TNRC18: variants seen among roughly 807,000 people sequenced by gnomAD.
TNRC18 encodes trinucleotide repeat-containing gene 18 protein.
A neutral mutation model predicts 226.7 loss-of-function variants in TNRC18; 69 were observed. The observed-to-expected ratio is 0.30, with a 90% confidence interval of 0.25 to 0.37. The LOEUF (loss-of-function observed/expected upper bound fraction) is 0.37. Among genes scored for constraint, TNRC18 ranks in the 10% least tolerant of loss-of-function variants. The probability of loss-of-function intolerance (pLI) is 1.00; values close to 1 mark genes in which losing one functional copy is unlikely to be tolerated. For missense variants in TNRC18, 4,754 were observed against 4,256.6 expected (o/e 1.12, Z -3.25); for synonymous variants, 2,449 against 1,927.6 (o/e 1.27, Z -7.09).
rs749669243 is a variant in TNRC18 at position 5,357,296 on chromosome 7, C to A, written c.4834-20G>T. ...CTTTAGCTGGAGAGGGAAGGTGGGTCATGGGTTAAAAGATCTGACAAAACA... is the reference window on the plus strand; with the variant it reads ...CTTTAGCTGGAGAGGGAAGGTGGGTAATGGGTTAAAAGATCTGACAAAACA... On this transcript the variant is annotated intron_variant, in intron 15 of 29. Transcript: ENST00000430969. 1.3e-6 allele frequency: 2 copies of A among 1,597,634 alleles called. No individual in the cohort carries two copies. The highest frequency in any genetic ancestry group is 1.7e-6 in the Non-Finnish European group (2 of 1,171,212).
rs748787261 is a variant in TNRC18 at position 5,312,760 on chromosome 7, G to A, written c.8131C>T (p.Arg2711Trp). ...TTGCCTGGGGAGTGGGCCGAGGGCC[G>A]CGCCTTGCCGGCCTGCTTGGTGGCC... is the stretch of plus-strand genomic sequence containing the variant. ...TKATKQAGKARPSAHSPGKKT... is the reference protein window; with the variant it reads ...TKATKQAGKAWPSAHSPGKKT... The change falls in exon 27 of 30, where the codon CGG becomes TGG. Residue 2711 changes from arginine (R) to tryptophan (W), a missense_variant. Physicochemically the swap from Arg to Trp is moderately radical, Grantham distance 101 (BLOSUM62 -3). Coordinates refer to ENST00000430969, the MANE Select transcript of TNRC18 (RefSeq NM_001080495.3). The surrounding 1 kb of genome is among the most constrained non-coding windows in gnomAD (Gnocchi z 6.3). The A allele has an allele frequency of 2.7e-5, 42 of 1,534,116 alleles. No homozygotes were observed. The highest frequency in any genetic ancestry group is 3.6e-5 in the Non-Finnish European group (41 of 1,145,742).
rs561206762 is a variant in TNRC18, at chr7:5,363,206, G to A, written c.4220-381C>T. 4.0e-4 allele frequency among the ~76,000 whole-genome samples: 60 copies of A among 150,768 alleles called. 1 individual carries two copies. Among genetic ancestry groups the A allele is most frequent in the Middle Eastern group, 3.4e-3 (1 of 290 alleles). On this transcript the variant is annotated intron_variant, in intron 11 of 29. Transcript: ENST00000430969. ...GAATCCCAGCTACTCGGGAGACTAA[G>A]GCGGGAGAACCACTTGAACCCGGGA...
At chr7:5,404,126 A>G (rs1214584635) in intron 2 of TNRC18, among the ~76,000 whole-genome samples, 1 of 152,188 alleles carries the variant, frequency 6.6e-6, no homozygotes, top group Non-Finnish European at 1.5e-5. Flanking sequence ...TAATCCCAGC[A>G]CTTTGGGAGG....
intron 2 of TNRC18, among the ~76,000 whole-genome samples, chr7:5,402,178 CAAAAA>C (rs35794476): frequency 1.4e-5 from 1 of 71,336 alleles, no homozygotes; most frequent in East Asian, 4.6e-4. Flanking sequence ...GACTCTGTCT[CAAAAA>C]AAAAAAAAAA....
At chr7:5,381,211 C>A (rs919059193) in intron 5 of TNRC18, among the ~76,000 whole-genome samples, 2 of 152,224 alleles carry the variant, frequency 1.3e-5, no homozygotes, top group African/African-American at 2.4e-5. Context: ...AGATAGTGAG[C>A]CCTCTGTCCC....
At chr7:5,314,326 C>A (rs1485137088) in intron 26 of TNRC18, among the ~76,000 whole-genome samples, 1 of 152,140 alleles carries the variant, frequency 6.6e-6, no homozygotes, top group African/African-American at 2.4e-5. Context: ...CTGGCTGCAG[C>A]CTTCTTAGGC....
chr7:5,315,262 G>A, intron 25 of TNRC18, 114 bp from the exon 26 acceptor site: 1 of 1,184,744 alleles, frequency 8.4e-7, no homozygotes, highest in Non-Finnish European at 1.1e-6. Flanking sequence ...CCGACACCAG[G>A]TGGCTGACCC....
chr7:5,391,852 A>T lies in TNRC18; in HGVS notation c.344-1224T>A, dbSNP rs143736535. 3.1e-3 allele frequency among the ~76,000 whole-genome samples: 291 copies of T among 92,504 alleles called. 1 individual carries two copies. The highest frequency in any genetic ancestry group is 0.019 in the African/African-American group (281 of 15,018). The allele number at this position is 92,504 out of a possible 152,430, so 60.7% of individuals were successfully genotyped here. ...TCTCTATTTAAAAAAAAAAAAAAAA[A>T]ATTTAAATAGTTTTTTTTTTTTAAA... On this transcript the variant is annotated intron_variant, in intron 3 of 29. Coordinates refer to ENST00000430969, the MANE Select transcript of TNRC18 (RefSeq NM_001080495.3).
intron 24 of TNRC18, among the ~76,000 whole-genome samples, chr7:5,319,133 C>T (rs1201287756): frequency 6.6e-6 from 1 of 152,192 alleles, no homozygotes; most frequent in East Asian, 1.9e-4. Flanking sequence ...CTAAGGCCAA[C>T]TTCTGCCTTA....
In TNRC18 at chr7:5,388,694, GA is replaced by G; in HGVS notation, c.1129del (p.Ser377ProfsTer213). The G allele has an allele frequency of 7.9e-7, 1 of 1,264,278 alleles. No homozygotes were observed. Among genetic ancestry groups the G allele is most frequent in the East Asian group, 3.7e-5 (1 of 27,372 alleles). 78.3% of individuals were successfully genotyped at this position (1,264,278 alleles called of 1,614,324 possible). On this transcript the variant is annotated frameshift_variant, in exon 5 of 30. Coordinates refer to ENST00000430969, the MANE Select transcript of TNRC18 (RefSeq NM_001080495.3). LOFTEE classifies it high-confidence loss of function. ...CGGGCGCTCGTCGAAGGCCTCCACG[GA>G]AGGCACGAAGGTGGGCGCCACCACG... is the stretch of plus-strand genomic sequence containing the variant. Reference protein sequence around the residue: ...HRVVAPTFVPSVEAFDERPGP... With the variant: ...HRVVAPTFVPXVEAFDERPGP...
intron 2 of TNRC18, among the ~76,000 whole-genome samples, chr7:5,418,848 C>G (rs1562646910): frequency 6.6e-6 from 1 of 152,192 alleles, no homozygotes; most frequent in Non-Finnish European, 1.5e-5. Flanking sequence ...GAGCTGCTCC[C>G]ACCTCGTGGC....
At chr7:5,321,043 G>A (rs776253955) in intron 22 of TNRC18, 30 bp downstream of exon 22, 7 of 1,470,300 alleles carry the variant, frequency 4.8e-6, no homozygotes, top group Non-Finnish European at 6.5e-6. Flanking sequence ...GGGACACGGG[G>A]CTCTGTGCCG....
chr7:5,359,539 A>G lies in TNRC18; in HGVS notation c.4692T>C (p.Asp1564=). 1.2e-6 allele frequency: 2 copies of G among 1,613,876 alleles called. No homozygotes were observed. The highest frequency in any genetic ancestry group is 1.7e-6 in the Non-Finnish European group (2 of 1,179,876). Residue 1564 remains aspartate, a synonymous_variant, in exon 15 of 30, where the codon GAT becomes GAC. Transcript: ENST00000430969. ...TTATCCCTGCTCCCAGCTCATAATC[A>G]TCTGATGTCAGCAGAGACTTGCTGC... ...KLSSKSLLTS[D]DYELGAGIRK...
intron 1 of TNRC18, 102 bp downstream of exon 1, chr7:5,423,339 C>A (rs1479861395): frequency 6.6e-6 from 1 of 152,168 alleles, no homozygotes; most frequent in Non-Finnish European, 1.5e-5. Flanking sequence ...CGGGGATCCC[C>A]CCCCGCGCAC....
chr7:5,407,966 A>C (rs1410060401), intron 2 of TNRC18, among the ~76,000 whole-genome samples: 1 of 152,216 alleles, frequency 6.6e-6, no homozygotes, highest in African/African-American at 2.4e-5. Flanking sequence ...GTGTGAGCCT[A>C]CAAGAGACTG....
At chr7:5,363,634 G>C (rs1483263069) in intron 11 of TNRC18, among the ~76,000 whole-genome samples, 1 of 152,040 alleles carries the variant, frequency 6.6e-6, no homozygotes, top group East Asian at 1.9e-4. Context: ...GAACAGGAGA[G>C]AAGGCAGCAC....
chr7:5,377,463 C>A lies in TNRC18; in HGVS notation c.2369G>T (p.Arg790Leu), dbSNP rs1363749017. The A allele has an allele frequency of 6.3e-7, 1 of 1,577,710 alleles. No individual in the cohort carries two copies. Among genetic ancestry groups the A allele is most frequent in the Non-Finnish European group, 8.6e-7 (1 of 1,163,240 alleles). Residue 790 changes from arginine (R) to leucine (L), a missense_variant, in exon 7 of 30, where the codon CGC (arginine) becomes CTC (leucine). Physicochemically the swap from Arg to Leu is moderately radical, Grantham distance 102. Transcript: ENST00000430969. This position sits in a 1 kb window ranked among gnomAD's most constrained non-coding sequence, Gnocchi z 5.8. ...ATGGGCTGCGGGGTCGGCAGACCAG[C>A]GACCTGAGCCCGCCAGCGCCGGGCC... ...TGGPALAGSG[R>L]WSADPAAHLA...
At position 5,423,472 on chromosome 7, in the gene TNRC18, C is replaced by A. The variant is rs1348104484; in HGVS notation, c.-275G>T. On this transcript the variant is annotated 5_prime_UTR_variant, in exon 1 of 30. It introduces an in-frame stop codon into an upstream open reading frame of the 5' UTR. Coordinates refer to ENST00000430969, the MANE Select transcript of TNRC18 (RefSeq NM_001080495.3). The stretch of plus-strand genomic sequence containing the variant: ...CGGCTGGGTTCACGGCTCCAGGCTC[C>A]GGCGACAACGACTCCGGCGGCGGCC... 6.6e-6 allele frequency: 1 copy of A among 152,150 alleles called. No homozygotes were observed. The highest frequency in any genetic ancestry group is 1.5e-5 in the Non-Finnish European group (1 of 68,030). 9.4% of individuals were successfully genotyped at this position (152,150 alleles called of 1,614,324 possible).
chr7:5,331,633 C>T (rs1204281029), intron 19 of TNRC18, among the ~76,000 whole-genome samples: 10 of 152,292 alleles, frequency 6.6e-5, no homozygotes, highest in Admixed American at 6.5e-4. Context: ...TTCAGAAGTA[C>T]AGCACTAGCC....
Sources: allele counts gnomAD v4.1 joint callset (sites outside exome capture counted in the v4.1 genomes callset), GRCh38; gene constraint gnomAD v4.1.1; non-coding constraint Gnocchi (gnomAD v3.1); transcripts MANE v1.5; gene names NCBI Gene and HGNC (gene_info 2026-07-23, HGNC 2026-07-21).